Variants in PCDHGA2 observed in about 807,000 individuals in gnomAD.
PCDHGA2 encodes protocadherin gamma-A2.
In PCDHGA2, 40 loss-of-function variants were observed where a neutral mutation model predicts 59.2. That is an observed-to-expected ratio of 0.68 (90% CI 0.52 to 0.88). The LOEUF (loss-of-function observed/expected upper bound fraction) is 0.88. PCDHGA2 is among the 40% of genes least tolerant of loss of function. The pLI is 0.00. For missense variants in PCDHGA2, 1,226 were observed against 1,204.0 expected (o/e 1.02, Z -0.27); for synonymous variants, 560 against 526.0 (o/e 1.06, Z -0.89).
chr5:141,421,964 C>T (rs772274014), intron 1 of PCDHGA2: 3 of 1,611,472 alleles, frequency 1.9e-6, no homozygotes, highest in Non-Finnish European at 1.7e-6. Flanking sequence ...TTTACACAGT[C>T]CGTATATCGC....
intron 1 of PCDHGA2, among the ~76,000 whole-genome samples, chr5:141,469,808 A>C (rs1253675252): frequency 2.0e-5 from 3 of 152,174 alleles, no homozygotes; most frequent in Admixed American, 6.5e-5. Flanking sequence ...AAAACATTGT[A>C]GATAGAATGG....
rs1561745511 is a variant in PCDHGA2 at position 141,413,844 on chromosome 5, C to T, written c.2424+72449C>T. The stretch of plus-strand genomic sequence containing the variant: ...TCCTCACCGCCTCCGACGGGGGTGA[C>T]CCTCTCCGATCTGGCACTGTCCTTG... On this transcript the variant is annotated intron_variant, in intron 1 of 3. Transcript: ENST00000394576. The T allele has an allele frequency of 5.6e-6, 9 of 1,613,254 alleles. No homozygotes were observed. The East Asian group carries it at 6.7e-5, about 12-fold the overall frequency.
At position 141,437,148 on chromosome 5, in the gene PCDHGA2, A is replaced by T. The variant is rs1196014608; in HGVS notation, c.2425-57659A>T. ...GTTGATAATTTAGGATTCATAATTA[A>T]CATATGTGTTGATTGTTTTCTGAGA... is the stretch of plus-strand genomic sequence containing the variant. On this transcript the variant is annotated intron_variant, in intron 1 of 3. Coordinates refer to ENST00000394576, the MANE Select transcript of PCDHGA2 (RefSeq NM_018915.4). Among the ~76,000 whole-genome samples the T allele has an allele frequency of 2.0e-5, 3 of 152,214 alleles. No individual in the cohort carries two copies. In the East Asian group the frequency reaches 5.8e-4, roughly 29 times the overall value.
intron 1 of PCDHGA2, chr5:141,395,509 G>C (rs59251876): frequency 0.091 from 39,157 of 428,204 alleles, 2,522 homozygotes; most frequent in African/African-American, 0.18. Flanking sequence ...TTAAGAAGTA[G>C]CTACCCGTCC....
intron 1 of PCDHGA2, chr5:141,365,296 G>A: frequency 1.2e-6 from 2 of 1,614,002 alleles, no homozygotes; most frequent in Non-Finnish European, 1.7e-6. Context: ...TGGTAGCTCA[G>A]GATGGAGGCG....
chr5:141,380,182 G>A (rs997433342), intron 1 of PCDHGA2, among the ~76,000 whole-genome samples: 1 of 152,142 alleles, frequency 6.6e-6, no homozygotes, highest in Non-Finnish European at 1.5e-5. Context: ...TTACAGGCAT[G>A]AGCCACTGAG....
chr5:141,395,439 A>G, intron 1 of PCDHGA2: 1 of 679,568 alleles, frequency 1.5e-6, no homozygotes, highest in Non-Finnish European at 2.3e-6. Context: ...AACGACTTGG[A>G]AAAGATTGTT....
At chr5:141,442,708 A>C (rs2098338740) in intron 1 of PCDHGA2, among the ~76,000 whole-genome samples, 2 of 152,254 alleles carry the variant, frequency 1.3e-5, no homozygotes, top group Non-Finnish European at 2.9e-5. Context: ...AGTATCAGAC[A>C]TGCCAGAGCA....
At chr5:141,401,214 C>T (rs894124786) in intron 1 of PCDHGA2, among the ~76,000 whole-genome samples, 4 of 151,920 alleles carry the variant, frequency 2.6e-5, no homozygotes, top group Non-Finnish European at 4.4e-5. Context: ...TGGTGGCGGG[C>T]GCCTGTAATC....
intron 1 of PCDHGA2, chr5:141,427,212 C>T (rs2097000434): frequency 4.4e-6 from 2 of 456,702 alleles, no homozygotes; most frequent in Non-Finnish European, 8.8e-6. Flanking sequence ...CTTCGAATTT[C>T]GTAGCAGTTA....
At chr5:141,390,732 G>T in intron 1 of PCDHGA2, 1 of 194,114 alleles carries the variant, frequency 5.2e-6, no homozygotes, top group Non-Finnish European at 1.1e-5. Context: ...TAACTGGTAT[G>T]GTCTCCATAG....
chr5:141,365,821 G>A (rs756787528), intron 1 of PCDHGA2: 1 of 1,613,908 alleles, frequency 6.2e-7, no homozygotes, highest in Non-Finnish European at 8.5e-7. Context: ...ACACATTTCA[G>A]GGGGCGCCCT....
chr5:141,478,599 T>A, intron 1 of PCDHGA2: 1 of 1,565,814 alleles, frequency 6.4e-7, no homozygotes, highest in Non-Finnish European at 8.7e-7. Flanking sequence ...TATTCCTACA[T>A]CATATTGAGG....
chr5:141,495,080 G>A (rs73794925), intron 2 of PCDHGA2, among the ~76,000 whole-genome samples: 1 of 152,258 alleles, frequency 6.6e-6, no homozygotes, highest in African/African-American at 2.4e-5. Flanking sequence ...TCACATGCTT[G>A]CCCCTTCCCT....
intron 1 of PCDHGA2, chr5:141,415,515 G>C: frequency 6.2e-7 from 1 of 1,614,152 alleles, no homozygotes; most frequent in Non-Finnish European, 8.5e-7. Flanking sequence ...CCAATTATGC[G>C]GACACGCTCA....
In PCDHGA2 at chr5:141,431,019, C is replaced by A. The variant is rs1368671750; in HGVS notation, c.2425-63788C>A. 1 of 1,613,488 alleles carries A rather than the reference C, an allele frequency of 6.2e-7. No individual in the cohort carries two copies. The highest frequency in any genetic ancestry group is 1.7e-5 in the Admixed American group (1 of 59,968). ...CCGCGCAGCGGCAGCTTGGTCACGG[C>A]GGGCAGGATAGACCGGGAGGAGCTC... On this transcript the variant is annotated intron_variant, in intron 1 of 3. Transcript: ENST00000394576. The surrounding 1 kb of genome is among the most constrained non-coding windows in gnomAD (Gnocchi z 4.8).
intron 1 of PCDHGA2, chr5:141,404,268 C>A (rs1334326806): frequency 1.2e-6 from 2 of 1,613,860 alleles, no homozygotes; most frequent in African/African-American, 2.7e-5. Context: ...ATTCACATCA[C>A]CCTGCAAGTG....
chr5:141,444,561 GA>G (rs778707459), intron 1 of PCDHGA2, among the ~76,000 whole-genome samples: 17 of 152,098 alleles, frequency 1.1e-4, no homozygotes, highest in Non-Finnish European at 2.1e-4. Context: ...GCACTTATTT[GA>G]CACTTTTGAC....
rs1439786491 is a variant in PCDHGA2 at position 141,399,634 on chromosome 5, A to G, written c.2424+58239A>G. 9 of 1,613,742 alleles carry G rather than the reference A, an allele frequency of 5.6e-6. No individual in the cohort carries two copies. The highest frequency in any genetic ancestry group is 1.3e-5 in the African/African-American group (1 of 74,954). On this transcript the variant is annotated intron_variant, in intron 1 of 3. Transcript: ENST00000394576. ...TCTGGCACTGGCCTCTTACGTGTCC[A>G]TGAGCGCGCAAAGTGGGGTGGTGTT...
Sources: allele counts gnomAD v4.1 joint callset (sites outside exome capture counted in the v4.1 genomes callset), GRCh38; gene constraint gnomAD v4.1.1; non-coding constraint Gnocchi (gnomAD v3.1); transcripts MANE v1.5; gene names NCBI Gene and HGNC (gene_info 2026-07-23, HGNC 2026-07-21).